Variants in ZNF676 observed in about 807,000 individuals in gnomAD.
ZNF676 encodes the protein zinc finger protein 676.
Under a neutral mutation model 6.0 loss-of-function variants are expected in ZNF676, and 4 were observed. The ratio of observed to expected loss-of-function variants is 0.67; its 90% confidence interval spans 0.33 to 1.53. ZNF676 has a LOEUF of 1.53. ZNF676 is among the 40% of genes most tolerant of loss of function. ZNF676 has a pLI of 0.06. For missense variants in ZNF676, 644 were observed against 679.7 expected, an observed-to-expected ratio of 0.95 and a Z score of 0.58; for synonymous variants, 198 against 223.1, an observed-to-expected ratio of 0.89 and a Z score of 1.00.
the ZNF676 span, among the ~76,000 whole-genome samples, chr19:22,220,987 A>T: frequency 6.6e-6 from 1 of 152,086 alleles, no homozygotes; most frequent in African/African-American, 2.4e-5. Context: ...AATCTTACTA[A>T]TAGTCTATCA....
chr19:22,243,701 T>A, the ZNF676 span: 1 of 149,924 alleles, frequency 6.7e-6, no homozygotes, highest in Admixed American at 6.6e-5. Flanking sequence ...GTTGGCAAGG[T>A]CCAGATTACA....
At chr19:22,207,754 G>A (rs1224136776) in intron 1 of ZNF676, among the ~76,000 whole-genome samples, 1 of 152,218 alleles carries the variant, frequency 6.6e-6, no homozygotes, top group African/African-American at 2.4e-5. Flanking sequence ...CAAACTCATA[G>A]GCCAATGCAA....
chr19:22,247,016 T>G, the ZNF676 span, among the ~76,000 whole-genome samples: 1 of 152,216 alleles, frequency 6.6e-6, no homozygotes, highest in African/African-American at 2.4e-5. Context: ...TAAAAGCCCT[T>G]TTCAGTAACA....
At chr19:22,255,972 T>G in the ZNF676 span, among the ~76,000 whole-genome samples, 1 of 152,170 alleles carries the variant, frequency 6.6e-6, no homozygotes, top group Non-Finnish European at 1.5e-5. Context: ...ACAATTGCAG[T>G]CTGTCCACCT....
At chr19:22,197,072 C>A (rs973997209), upstream of ZNF676, 1 of 222,866 alleles carries the variant, frequency 4.5e-6, no homozygotes, top group African/African-American at 2.4e-5. Context: ...CCTGTAATCC[C>A]AGCACTTTGG....
chr19:22,213,536 C>T (rs1194034768), intron 1 of ZNF676, among the ~76,000 whole-genome samples: 1 of 152,188 alleles, frequency 6.6e-6, no homozygotes, highest in African/African-American at 2.4e-5. Context: ...ACATTCCATA[C>T]CTCGGGTTGT....
At chr19:22,201,401 T>G (rs1245258115), upstream of ZNF676, among the ~76,000 whole-genome samples, 1 of 152,190 alleles carries the variant, frequency 6.6e-6, no homozygotes, top group Non-Finnish European at 1.5e-5. Flanking sequence ...CTCCTGTTGG[T>G]TTTCTGTAAA....
chr19:22,216,976 G>T (rs1170293519), upstream of ZNF676, among the ~76,000 whole-genome samples: 1 of 149,674 alleles, frequency 6.7e-6, no homozygotes, highest in African/African-American at 2.5e-5. Context: ...TTAAACTTAT[G>T]GGAGTTTGGA....
chr19:22,181,375 T>C lies in ZNF676; in HGVS notation c.342A>G (p.Gln114=), dbSNP rs61745988. Residue 114 remains glutamine (Q), a synonymous_variant, in exon 3 of 3, where the codon CAA becomes CAG. Coordinates refer to ENST00000397121, the MANE Select transcript of ZNF676 (RefSeq NM_001001411.3). ...GAAAGACGTTTGCATATTTGCCACA[T>C]TGAAATACTTTGCTCTGTGTAGTTG... ...SLTTTQSKVF[Q]CGKYANVFHK... 1.3e-3 allele frequency: 2,096 copies of C among 1,613,734 alleles called. 28 individuals carry two copies. In the African/African-American group the frequency reaches 0.024, roughly 18 times the overall value.
the ZNF676 span, among the ~76,000 whole-genome samples, chr19:22,253,372 G>GATTGTGTGTA: frequency 1.2e-4 from 11 of 90,854 alleles, no homozygotes; most frequent in African/African-American, 3.6e-4. Context: ...GTGTGTGTGT[G>GATTGTGTGTA]TATATATATA....
chr19:22,242,850 G>T, the ZNF676 span, among the ~76,000 whole-genome samples: 9 of 151,558 alleles, frequency 5.9e-5, no homozygotes, highest in South Asian at 1.7e-3. Context: ...AGTTGGGGGG[G>T]GGCTCTCATG....
rs374549097 is a variant in ZNF676, at chr19:22,208,047, A to T, written c.3+7585T>A. ...TGCCATTCTAGACATAGAAACTGTC[A>T]AAGATTTCATGATGAAGATATCAAA... On this transcript the variant is annotated intron_variant, in intron 1 of 3. Transcript: ENST00000650058. Among the ~76,000 whole-genome samples, 284 of 151,934 alleles carry T rather than the reference A, an allele frequency of 1.9e-3. 5 individuals are homozygous for T. The South Asian group carries it at 0.025, about 13-fold the overall frequency.
rs1169944567 is a variant in ZNF676, at chr19:22,181,227, T to C, written c.490A>G (p.Thr164Ala). Residue 164 changes from threonine (T) to alanine (A), a missense_variant, in exon 3 of 3, where the codon ACT (threonine) becomes GCT (alanine). This residue lies in a region of ZNF676 where 280 missense variants were observed against 269.3 expected (regional missense o/e 1.04). Coordinates refer to ENST00000397121, the MANE Select transcript of ZNF676 (RefSeq NM_001001411.3). ...SHLSQHERIYTRENSYKCEEN... is the reference protein window; with the variant it reads ...SHLSQHERIYARENSYKCEEN... ...TCACATTTGTAGGAATTCTCTCTAG[T>C]ATAAATTCTTTCATGTTGAGATAGG... 2 of 1,613,748 alleles carry C rather than the reference T, an allele frequency of 1.2e-6. No individual in the cohort carries two copies. Among genetic ancestry groups the C allele is most frequent in the Non-Finnish European group, 1.7e-6 (2 of 1,179,882 alleles).
At chr19:22,204,460 T>C (rs1378431467) in intron 1 of ZNF676, among the ~76,000 whole-genome samples, 1 of 152,174 alleles carries the variant, frequency 6.6e-6, no homozygotes, top group African/African-American at 2.4e-5. Context: ...ACTGTTTAAT[T>C]TACATGAATG....
upstream of ZNF676, among the ~76,000 whole-genome samples, chr19:22,217,341 T>A (rs2024202814): frequency 6.6e-6 from 1 of 152,146 alleles, no homozygotes; most frequent in Admixed American, 6.5e-5. Context: ...GTATCTGGGA[T>A]TATAGGCATG....
Position 22,179,626 on chromosome 19 carries a change from C to A in ZNF676, c.*324G>T. The A allele has an allele frequency of 1.9e-6, 1 of 530,266 alleles. No individual in the cohort carries two copies. Among genetic ancestry groups the A allele is most frequent in the Non-Finnish European group, 3.5e-6 (1 of 285,902 alleles). 32.8% of individuals were successfully genotyped at this position (530,266 alleles called of 1,614,324 possible). On this transcript the variant is annotated 3_prime_UTR_variant, in exon 3 of 3. Transcript: ENST00000397121. Reference sequence around the variant, plus strand: ...CGTTTTTCACATTTGTAGGGCTTTTCCTCCAGTATGAATTCTTTTATGAGT... The same window carrying A: ...CGTTTTTCACATTTGTAGGGCTTTTACTCCAGTATGAATTCTTTTATGAGT...
At chr19:22,215,051 A>C (rs55992911) in intron 1 of ZNF676, among the ~76,000 whole-genome samples, 14,440 of 137,130 alleles carry the variant, frequency 0.11, 2,711 homozygotes, top group African/African-American at 0.36. Context: ...AAAAAAAAAA[A>C]AAAAAAAAAC....
chr19:22,182,593 A>AAAAAAAAAAAAAAAACAAAAAAC (rs1356303631), intron 2 of ZNF676, among the ~76,000 whole-genome samples: 1 of 90,948 alleles, frequency 1.1e-5, no homozygotes, highest in African/African-American at 4.5e-5. Flanking sequence ...TCTAAAAAAA[A>AAAAAAAAAAAAAAAACAAAAAAC]AAAAAAAAAG....
chr19:22,218,820 T>C (rs1194007713), upstream of ZNF676, among the ~76,000 whole-genome samples: 2 of 152,170 alleles, frequency 1.3e-5, no homozygotes, highest in Non-Finnish European at 2.9e-5. Flanking sequence ...TTGGTCTTCA[T>C]ATCTATTTTT....
Sources: allele counts gnomAD v4.1 joint callset (sites outside exome capture counted in the v4.1 genomes callset), GRCh38; gene constraint gnomAD v4.1.1; regional missense constraint gnomAD v4.1.1; transcripts MANE v1.5; gene names NCBI Gene and HGNC (gene_info 2026-07-23, HGNC 2026-07-21).